Variants in PRKAR1B observed in about 807,000 individuals in gnomAD.
PRKAR1B encodes the protein protein kinase cAMP-dependent type I regulatory subunit beta.
A neutral mutation model predicts 46.5 loss-of-function variants in PRKAR1B; 22 were observed. That is an observed-to-expected ratio of 0.47 (90% confidence interval 0.34 to 0.68). The LOEUF (loss-of-function observed/expected upper bound fraction) is 0.68, where lower values mean the gene tolerates loss of function less well. PRKAR1B is among the 30% of genes least tolerant of loss of function. The probability of loss-of-function intolerance (pLI) is 0.01; values close to 1 mark genes in which losing one functional copy is unlikely to be tolerated. For missense variants in PRKAR1B, 445 were observed against 535.6 expected, an observed-to-expected ratio of 0.83 and a Z score of 1.67; for synonymous variants, 259 against 217.7, an observed-to-expected ratio of 1.19 and a Z score of -1.67.
chr7:621,880 C>A (rs557093268), intron 4 of PRKAR1B, among the ~76,000 whole-genome samples: 3 of 152,194 alleles, frequency 2.0e-5, no homozygotes, highest in African/African-American at 7.2e-5. Flanking sequence ...GGGGCTCCCA[C>A]GGTCAGCAGC....
rs1038993101 is a variant in PRKAR1B, at chr7:593,095, C to T, written c.708+3051G>A. 3.3e-5 allele frequency among the ~76,000 whole-genome samples: 5 copies of T among 152,180 alleles called. No homozygotes were observed. Among genetic ancestry groups the T allele is most frequent in the Admixed American group, 1.3e-4 (2 of 15,284 alleles). On this transcript the variant is annotated intron_variant, in intron 7 of 10. Coordinates refer to ENST00000537384, the MANE Select transcript of PRKAR1B (RefSeq NM_001164760.2). The surrounding 1 kb of genome is among the most constrained non-coding windows in gnomAD (Gnocchi z 6.1). ...AAGCAAGTCTGGGGAGTGCTGGCCC[C>T]GGGCTGGGCCCCTGCCTGGGAGCCT...
In PRKAR1B at chr7:727,231, C is replaced by T. The variant is rs748750722; in HGVS notation, c.-44G>A. On this transcript the variant is annotated 5_prime_UTR_variant, in exon 1 of 11. Transcript: ENST00000537384. ...CCACCTGGACGACGCTCTGCGCGCG[C>T]TGCGCTGCTCCCTGCTCGACCCCTT... 1 of 1,342,224 alleles carries T rather than the reference C, an allele frequency of 7.5e-7. No individual in the cohort carries two copies. The highest frequency in any genetic ancestry group is 1.8e-5 in the South Asian group (1 of 55,764). 83.1% of individuals were successfully genotyped at this position (1,342,224 alleles called of 1,614,324 possible).
At chr7:700,652 G>T (rs931861309) in intron 2 of PRKAR1B, among the ~76,000 whole-genome samples, 1 of 150,804 alleles carries the variant, frequency 6.6e-6, no homozygotes, top group Admixed American at 6.6e-5. Flanking sequence ...AATCAGCAAA[G>T]AAATCAAATT....
intron 7 of PRKAR1B, among the ~76,000 whole-genome samples, chr7:585,084 G>A (rs1442513565): frequency 6.6e-6 from 1 of 152,174 alleles, no homozygotes; most frequent in Non-Finnish European, 1.5e-5. Flanking sequence ...CCTGGGAAAA[G>A]CATGCTGAAT....
intron 4 of PRKAR1B, among the ~76,000 whole-genome samples, chr7:668,638 G>A (rs1449066541): frequency 2.0e-5 from 3 of 152,166 alleles, no homozygotes; most frequent in South Asian, 2.1e-4. Context: ...GATCCAGAGG[G>A]GTCAGAGATG....
chr7:635,939 C>T (rs1278455732), intron 4 of PRKAR1B, among the ~76,000 whole-genome samples: 3 of 147,946 alleles, frequency 2.0e-5, no homozygotes, highest in African/African-American at 7.4e-5. Context: ...GCACCGCGCC[C>T]ACACATCCTC....
intron 9 of PRKAR1B, among the ~76,000 whole-genome samples, chr7:557,920 G>A (rs994792516): frequency 6.6e-6 from 1 of 152,182 alleles, no homozygotes; most frequent in Non-Finnish European, 1.5e-5. Flanking sequence ...CACAAACCTG[G>A]GAGGAGACGC....
intron 4 of PRKAR1B, among the ~76,000 whole-genome samples, chr7:625,380 A>C (rs979084305): frequency 5.9e-5 from 9 of 152,350 alleles, no homozygotes; most frequent in African/African-American, 1.7e-4. Context: ...AATCCAAAGC[A>C]ACAAAAAGAA....
intron 9 of PRKAR1B, among the ~76,000 whole-genome samples, chr7:572,595 C>T (rs1344007163): frequency 2.1e-5 from 3 of 141,972 alleles, no homozygotes; most frequent in African/African-American, 7.4e-5. Flanking sequence ...GGGCTGGGGT[C>T]CCCACACCTG....
In PRKAR1B at chr7:680,574, G is replaced by A. The variant is rs538195666; in HGVS notation, c.330C>T (p.Ala110=). The A allele has an allele frequency of 8.1e-6, 13 of 1,610,830 alleles. No homozygotes were observed. Among genetic ancestry groups the A allele is most frequent in the Middle Eastern group, 1.7e-4 (1 of 5,896 alleles). The change falls in exon 3 of 11, where the codon GCC becomes GCT. Residue 110 remains alanine, a synonymous_variant. Transcript: ENST00000537384. ...GCCTCACCTTCCTGACGTAGGACACGGCGTCCTCCTCGGTGTACACCTCGG... is the reference window on the plus strand; with the variant it reads ...GCCTCACCTTCCTGACGTAGGACACAGCGTCCTCCTCGGTGTACACCTCGG... ...VSAEVYTEED[A]VSYVRKVIPK...
chr7:689,487 AAT>A (rs1024125428), intron 2 of PRKAR1B, among the ~76,000 whole-genome samples: 3 of 152,192 alleles, frequency 2.0e-5, no homozygotes, highest in Admixed American at 2.0e-4. Flanking sequence ...AAATTATTTC[AAT>A]TTTTGAAGAA....
rs563683225 is a variant in PRKAR1B, at chr7:719,240, C to T, written c.-22-7713G>A. Among the ~76,000 whole-genome samples, 3 of 152,064 alleles carry T rather than the reference C, an allele frequency of 2.0e-5. No individual in the cohort carries two copies. The East Asian group carries it at 5.8e-4, about 30-fold the overall frequency. ...TTTTTAGTAGAGACGCGGTTTCACC[C>T]TCTTGGCCAGGCTGGTCTCAAACTC... is the stretch of plus-strand genomic sequence containing the variant. On this transcript the variant is annotated intron_variant, in intron 1 of 10. Transcript: ENST00000537384.
chr7:649,374 C>T (rs1399105405), intron 4 of PRKAR1B, among the ~76,000 whole-genome samples: 5 of 152,044 alleles, frequency 3.3e-5, no homozygotes, highest in Admixed American at 3.3e-4. Context: ...AATTATTTTC[C>T]CTGTGAACAC....
chr7:628,130 G>A (rs1216040274), intron 4 of PRKAR1B, among the ~76,000 whole-genome samples: 3 of 152,180 alleles, frequency 2.0e-5, no homozygotes, highest in African/African-American at 4.8e-5. Flanking sequence ...CCACGGCCAC[G>A]CGGCTTCCTG....
chr7:693,956 T>C (rs1388993971), intron 2 of PRKAR1B, among the ~76,000 whole-genome samples: 1 of 152,200 alleles, frequency 6.6e-6, no homozygotes, highest in African/African-American at 2.4e-5. Context: ...CAGCATGCAT[T>C]GGGTTTGGGA....
intron 4 of PRKAR1B, among the ~76,000 whole-genome samples, chr7:627,307 A>C (rs1020321968): frequency 6.6e-6 from 1 of 152,194 alleles, no homozygotes; most frequent in Non-Finnish European, 1.5e-5. Flanking sequence ...ATAACATTTT[A>C]ATCAGCACTG....
intron 9 of PRKAR1B, among the ~76,000 whole-genome samples, chr7:571,871 G>A (rs183831128): frequency 3.9e-4 from 59 of 152,322 alleles, no homozygotes; most frequent in African/African-American, 1.4e-3. Flanking sequence ...GACCGTCCCC[G>A]CCTCCGGGAG....
intron 2 of PRKAR1B, chr7:691,641 C>A: frequency 7.7e-7 from 1 of 1,301,430 alleles, no homozygotes; most frequent in Non-Finnish European, 1.0e-6. Context: ...CATGTGGCCT[C>A]CGCCCAGGTC....
At chr7:556,193 G>C (rs973888064) in intron 9 of PRKAR1B, among the ~76,000 whole-genome samples, 2 of 152,134 alleles carry the variant, frequency 1.3e-5, no homozygotes, top group Admixed American at 1.3e-4. Flanking sequence ...ACACAGCTCA[G>C]GTGGGGGCAT....
Sources: allele counts gnomAD v4.1 joint callset (sites outside exome capture counted in the v4.1 genomes callset), GRCh38; gene constraint gnomAD v4.1.1; non-coding constraint Gnocchi (gnomAD v3.1); transcripts MANE v1.5; gene names NCBI Gene and HGNC (gene_info 2026-07-23, HGNC 2026-07-21).